NEB: variants seen among roughly 807,000 people sequenced by gnomAD.
NEB encodes the protein nebulin, also known as nemaline myopathy type 2.
Under a neutral mutation model 952.2 loss-of-function variants are expected in NEB, and 512 were observed. The ratio of observed to expected loss-of-function variants is 0.54; its 90% CI spans 0.50 to 0.58. NEB has a LOEUF of 0.58. NEB is among the 20% of genes least tolerant of loss of function. NEB has a pLI of 0.00. For synonymous variants in NEB, 2,900 were observed against 3,149.8 expected, an observed-to-expected ratio of 0.92 and a Z score of 2.66; for missense variants, 8,428 against 9,231.1, an observed-to-expected ratio of 0.91 and a Z score of 3.56.
intron 129 of NEB, among the ~76,000 whole-genome samples, chr2:151,551,082 C>T (rs1329210547): frequency 1.3e-5 from 2 of 151,880 alleles, no homozygotes; most frequent in Non-Finnish European, 2.9e-5. Context: ...ATTCTCCTGC[C>T]TCAGCCTCCC....
In NEB at chr2:151,662,352, G is replaced by A; in HGVS notation, c.5764-11C>T. On this transcript the variant is annotated splice_polypyrimidine_tract_variant and intron_variant, in intron 45 of 181. Coordinates refer to ENST00000397345, the MANE Select transcript of NEB (RefSeq NM_001164508.2). ...AGCCTTGTACTGATTCTGCAAAAGA[G>A]GAAAAATTAAATTATGAGAAGAAAC... The A allele has an allele frequency of 2.0e-6, 3 of 1,529,132 alleles. No individual in the cohort carries two copies. The highest frequency in any genetic ancestry group is 1.3e-5 in the South Asian group (1 of 74,412). The allele number at this position is 1,529,132 out of a possible 1,614,324, so 94.7% of individuals were successfully genotyped here.
chr2:151,498,175 G>C (rs1241346206), intron 170 of NEB, 85 bp downstream of exon 170: 1 of 1,544,290 alleles, frequency 6.5e-7, no homozygotes. Context: ...GAAGGGAAAT[G>C]GGCTTCAAAC....
At chr2:151,719,242 A>G (rs957584370) in intron 9 of NEB, among the ~76,000 whole-genome samples, 2 of 152,260 alleles carry the variant, frequency 1.3e-5, no homozygotes, top group South Asian at 2.1e-4. Flanking sequence ...TAGCTAGAGC[A>G]AGAGTCAATG....
chr2:151,527,542 T>C lies in NEB; in HGVS notation c.21779A>G (p.Lys7260Arg), dbSNP rs200250294. ...GAAGTCCGGTCGGTCAGGAGTCCAC[T>C]TCCAGTGGGCTTTGTTGGCTTCGTA... The part of the protein sequence containing the change: ...KQYEANKAHW[K>R]WTPDRPDFLQ... Residue 7260 changes from lysine to arginine, a missense_variant, in exon 147 of 182, where the codon AAG becomes AGG. Physicochemically the swap from Lys to Arg is conservative, Grantham distance 26. Coordinates refer to ENST00000397345, the MANE Select transcript of NEB (RefSeq NM_001164508.2). 60 of 1,613,510 alleles carry C rather than the reference T, an allele frequency of 3.7e-5. No individual in the cohort carries two copies. The highest frequency in any genetic ancestry group is 5.0e-5 in the Non-Finnish European group (59 of 1,179,654).
At chr2:151,640,770 T>C (rs1355620238) in intron 60 of NEB, 104 bp from the exon 61 acceptor site, 9 of 1,080,580 alleles carry the variant, frequency 8.3e-6, no homozygotes, top group Non-Finnish European at 1.0e-5. Context: ...TTTCCCTGAA[T>C]ATGTAAATTA....
intron 50 of NEB, among the ~76,000 whole-genome samples, 164 bp from the exon 51 acceptor site, chr2:151,655,538 A>T (rs566505821): frequency 4.1e-3 from 446 of 109,982 alleles, no homozygotes; most frequent in South Asian, 9.6e-3. Context: ...ACTCAGATTT[A>T]AAAAAAAAAT....
At chr2:151,562,852 A>C (rs2096157550) in intron 119 of NEB, 44 bp from the exon 120 acceptor site, 16 of 1,381,396 alleles carry the variant, frequency 1.2e-5, no homozygotes, top group Non-Finnish European at 1.6e-5. Context: ...GTTTAAATGT[A>C]AATTATTCAG....
chr2:151,627,273 A>G (rs1433984487), intron 69 of NEB, 68 bp from the exon 70 acceptor site: 2 of 1,530,992 alleles, frequency 1.3e-6, no homozygotes, highest in Non-Finnish European at 1.8e-6. Context: ...AAATAAAAAA[A>G]TAACACTAGA....
chr2:151,616,629 G>A (rs1432234255), intron 75 of NEB, among the ~76,000 whole-genome samples: 5 of 152,190 alleles, frequency 3.3e-5, no homozygotes, highest in African/African-American at 1.2e-4. Context: ...AGGAGGCGGA[G>A]GTTGCAGTGA....
At chr2:151,601,170 C>T (rs1171541318) in intron 88 of NEB, among the ~76,000 whole-genome samples, 6 of 119,612 alleles carry the variant, frequency 5.0e-5, no homozygotes, top group Admixed American at 8.0e-5. Context: ...TGCAGTAGCA[C>T]GATCTCGGCT....
At chr2:151,732,529 A>G (rs1370152301) in intron 3 of NEB, among the ~76,000 whole-genome samples, 1 of 152,182 alleles carries the variant, frequency 6.6e-6, no homozygotes, top group African/African-American at 2.4e-5. Flanking sequence ...TGAAGTTGGT[A>G]GGAAGGTGTG....
At chr2:151,502,610 A>T (rs1444596183) in intron 167 of NEB, among the ~76,000 whole-genome samples, 183 bp downstream of exon 167, 1 of 152,180 alleles carries the variant, frequency 6.6e-6, no homozygotes, top group African/African-American at 2.4e-5. Context: ...TCTATGTTTT[A>T]GAGAAAACAC....
intron 72 of NEB, among the ~76,000 whole-genome samples, chr2:151,620,027 A>G (rs1447193888): frequency 6.6e-6 from 1 of 152,122 alleles, no homozygotes; most frequent in Non-Finnish European, 1.5e-5. Context: ...GTCCAATTAC[A>G]GTAATAAACC....
At chr2:151,518,854 G>A (rs1025848634) in intron 155 of NEB, 111 bp downstream of exon 155, 21 of 689,828 alleles carry the variant, frequency 3.0e-5, no homozygotes, top group African/African-American at 3.0e-4. Flanking sequence ...GAACAGTTTT[G>A]TAATAAATCT....
intron 32 of NEB, 45 bp downstream of exon 32, chr2:151,679,676 A>ACC: frequency 2.8e-6 from 1 of 357,308 alleles, no homozygotes; most frequent in Non-Finnish European, 5.6e-6. Flanking sequence ...AAGCCCACCC[A>ACC]CCCACATTTT....
At chr2:151,542,073 T>C (rs2094141742) in intron 135 of NEB, among the ~76,000 whole-genome samples, 2 of 152,210 alleles carry the variant, frequency 1.3e-5, no homozygotes, top group Admixed American at 1.3e-4. Context: ...GTCACACTCA[T>C]TGAGACTACC....
chr2:151,515,010 A>G, intron 157 of NEB, 82 bp from the exon 158 acceptor site: 1 of 886,370 alleles, frequency 1.1e-6, no homozygotes, highest in South Asian at 1.6e-5. Context: ...GAAAAAAAAA[A>G]CAGCATTTTC....
Position 151,549,676 on chromosome 2 carries a change from T to A in NEB, c.20009A>T (p.His6670Leu). ...ACGGGTGTCCTTGATGTGTTTGAAG[T>A]GAGGAGTGTCACCTGGAAGTCTATA... is the stretch of plus-strand genomic sequence containing the variant. ...TGYRLPGDTP[H>L]FKHIKDTRYM... Residue 6670 changes from histidine (H) to leucine (L), a missense_variant, in exon 130 of 182, where the codon CAC becomes CTC. By Grantham distance (99) the His-to-Leu change is moderately conservative. This residue lies in a region of NEB where 3,374 missense variants were observed against 3,651.5 expected (regional missense o/e 0.92). Transcript: ENST00000397345. The A allele has an allele frequency of 6.2e-7, 1 of 1,601,320 alleles. No homozygotes were observed. Among genetic ancestry groups the A allele is most frequent in the Non-Finnish European group, 8.5e-7 (1 of 1,173,498 alleles).
intron 150 of NEB, 23 bp downstream of exon 150, chr2:151,525,935 G>A (rs1374866171): frequency 5.7e-6 from 9 of 1,581,618 alleles, no homozygotes; most frequent in Middle Eastern, 1.7e-4. Flanking sequence ...TTGCTGCCAA[G>A]AGACCGGTGG....
Sources: gnomAD v4.1 joint callset for allele counts (sites outside exome capture counted in the v4.1 genomes callset) on GRCh38, gnomAD v4.1.1 for gene constraint, gnomAD v4.1.1 regional missense constraint, MANE v1.5 for transcripts, NCBI Gene and HGNC (gene_info 2026-07-23, HGNC 2026-07-21) for gene names.